RUSC1: variants seen among roughly 807,000 people sequenced by gnomAD.
RUSC1 encodes the protein AP-4 complex accessory subunit RUSC1.
In RUSC1, 40 loss-of-function variants were observed where a neutral mutation model predicts 72.1. The observed-to-expected ratio is 0.55, with a 90% confidence interval of 0.43 to 0.72. The LOEUF (loss-of-function observed/expected upper bound fraction) is 0.72, where lower values mean the gene tolerates loss of function less well. Among genes scored for constraint, RUSC1 ranks in the 30% least tolerant of loss-of-function variants. The pLI is 0.00. For synonymous variants in RUSC1, 512 were observed against 494.2 expected (o/e 1.04, Z -0.48); for missense variants, 1,092 against 1,172.3 (o/e 0.93, Z 1.00).
chr1:155,326,962 T>A lies in RUSC1; in HGVS notation c.2244T>A (p.Phe748Leu). The A allele has an allele frequency of 6.2e-7, 1 of 1,613,808 alleles. No individual in the cohort carries two copies. Among genetic ancestry groups the A allele is most frequent in the Middle Eastern group, 1.6e-4 (1 of 6,062 alleles). The change falls in exon 8 of 10, where the codon TTT becomes TTA. Residue 748 changes from phenylalanine to leucine, a missense_variant. Coordinates refer to ENST00000368352, the MANE Select transcript of RUSC1 (RefSeq NM_001105203.2). The surrounding 1 kb of genome is among the most constrained non-coding windows in gnomAD (Gnocchi z 4.7). ...RVYASGGTEG[F>L]PLSRWAPGRH... ...ATGCCTCTGGGGGCACTGAGGGCTT[T>A]CCTCTTTCCCGATGGGCACCGGGGC...
In RUSC1 at chr1:155,325,920, T is replaced by G; in HGVS notation, c.1861+10T>G. The stretch of plus-strand genomic sequence containing the variant: ...CTCCAGGAAGATGCAGGTCAGAGGT[T>G]CAGATGGTAGAGGATGGGGCTGATG... On this transcript the variant is annotated intron_variant, in intron 7 of 9. Transcript: ENST00000368352. The surrounding 1 kb of genome is among the most constrained non-coding windows in gnomAD (Gnocchi z 6.5). 1 of 1,614,008 alleles carries G rather than the reference T, an allele frequency of 6.2e-7. No homozygotes were observed. Among genetic ancestry groups the G allele is most frequent in the Non-Finnish European group, 8.5e-7 (1 of 1,179,910 alleles).
chr1:155,330,836 C>T lies in RUSC1; in HGVS notation c.*265C>T. 1 of 332,314 alleles carries T rather than the reference C, an allele frequency of 3.0e-6. No homozygotes were observed. Among genetic ancestry groups the T allele is most frequent in the South Asian group, 4.6e-5 (1 of 21,628 alleles). The allele number at this position is 332,314 out of a possible 1,614,324, so 20.6% of individuals were successfully genotyped here. A position where few individuals can be genotyped will look rare whatever the true frequency, so the allele number is the denominator to read the frequency against. On this transcript the variant is annotated 3_prime_UTR_variant, in exon 10 of 10. Coordinates refer to ENST00000368352, the MANE Select transcript of RUSC1 (RefSeq NM_001105203.2). ...TCCCGTCTATATAAGGGAATGTCTT[C>T]CTTCCTATCTATCTGCAAAATGGAA... is the stretch of plus-strand genomic sequence containing the variant.
rs1651626999 is a variant in RUSC1 at position 155,328,221 on chromosome 1, T to C, written c.2486T>C (p.Met829Thr). The change falls in exon 9 of 10, where the codon ATG becomes ACG. Residue 829 changes from methionine (M) to threonine (T), a missense_variant. Transcript: ENST00000368352. ...GTGAAGCGGGGGGCACCTCCCGAGATGCCTTCTCCTCAGGAGCTTGAGGCC... is the reference window on the plus strand; with the variant it reads ...GTGAAGCGGGGGGCACCTCCCGAGACGCCTTCTCCTCAGGAGCTTGAGGCC... The part of the protein sequence containing the change: ...ALVKRGAPPE[M>T]PSPQELEASA... The C allele has an allele frequency of 1.2e-6, 2 of 1,613,376 alleles. No individual in the cohort carries two copies. The highest frequency in any genetic ancestry group is 1.7e-6 in the Non-Finnish European group (2 of 1,179,736).
intron 2 of RUSC1, chr1:155,324,388 C>T: frequency 1.2e-6 from 2 of 1,612,848 alleles, no homozygotes; most frequent in South Asian, 1.1e-5. Flanking sequence ...CCGTCTCCTC[C>T]CTTTCCCCTG....
At position 155,325,292 on chromosome 1, in the gene RUSC1, C is replaced by T; in HGVS notation, c.1534-24C>T. On this transcript the variant is annotated intron_variant, in intron 4 of 9. Transcript: ENST00000368352. The surrounding 1 kb of genome is among the most constrained non-coding windows in gnomAD (Gnocchi z 6.5). ...GAGGTGTCTGGAGGGATCTCTGGAG[C>T]CATCGGCATCGCGCCACCTCCAGGC... The T allele has an allele frequency of 6.2e-7, 1 of 1,604,814 alleles. No homozygotes were observed. Among genetic ancestry groups the T allele is most frequent in the East Asian group, 2.2e-5 (1 of 44,844 alleles).
Position 155,325,262 on chromosome 1 carries a change from G to T in RUSC1, c.1534-54G>T, listed in dbSNP as rs771106945. On this transcript the variant is annotated intron_variant, in intron 4 of 9. Coordinates refer to ENST00000368352, the MANE Select transcript of RUSC1 (RefSeq NM_001105203.2). This position sits in a 1 kb window ranked among gnomAD's most constrained non-coding sequence, Gnocchi z 6.5. ...GTGCGGGAATGGTTGGCGGGAGGTG[G>T]CTGGGAGGTGTCTGGAGGGATCTCT... 1.2e-6 allele frequency: 2 copies of T among 1,608,842 alleles called. No individual in the cohort carries two copies. Among genetic ancestry groups the T allele is most frequent in the African/African-American group, 2.7e-5 (2 of 74,944 alleles).
Position 155,320,907 on chromosome 1 carries a change from T to A in RUSC1, c.-171T>A. ...GCAGGGTAGGTTGTGCTAGTGCCCC[T>A]CCCCTCCCGCTCTGTGCCCCGCCGG... On this transcript the variant is annotated 5_prime_UTR_variant, in exon 1 of 10. Transcript: ENST00000368352. The A allele has an allele frequency of 6.3e-7, 1 of 1,589,214 alleles. No individual in the cohort carries two copies. Among genetic ancestry groups the A allele is most frequent in the Non-Finnish European group, 8.6e-7 (1 of 1,167,772 alleles).
In RUSC1 at chr1:155,324,917, C is replaced by T. The variant is rs1651137920; in HGVS notation, c.1430C>T (p.Thr477Ile). 6.2e-7 allele frequency: 1 copy of T among 1,614,212 alleles called. No homozygotes were observed. ...TGGATGGCAGAAGCCCAGAGTGGGA[C>T]TGGTCAGCTGCAGGAGCAGAAGAAA... ...RLWMAEAQSGTGQLQEQKKGL... is the reference protein window; with the variant it reads ...RLWMAEAQSGIGQLQEQKKGL... Residue 477 changes from threonine (T) to isoleucine (I), a missense_variant, in exon 3 of 10, where the codon ACT becomes ATT. Coordinates refer to ENST00000368352, the MANE Select transcript of RUSC1 (RefSeq NM_001105203.2).
intron 2 of RUSC1, chr1:155,324,136 C>T (rs539098944): frequency 1.5e-6 from 2 of 1,296,710 alleles, no homozygotes; most frequent in African/African-American, 1.5e-5. Flanking sequence ...GGCTTTGGGT[C>T]ACACCCTCTG....
Position 155,325,724 on chromosome 1 carries a change from G to A in RUSC1, c.1814+52G>A, listed in dbSNP as rs775075433. On this transcript the variant is annotated intron_variant, in intron 6 of 9. Transcript: ENST00000368352. This position sits in a 1 kb window ranked among gnomAD's most constrained non-coding sequence, Gnocchi z 6.5. ...TCCCACGACCTGGGACTGCAGGAGCGTCATGGGTGGGACACAGTAGTAGTG... is the reference window on the plus strand; with the variant it reads ...TCCCACGACCTGGGACTGCAGGAGCATCATGGGTGGGACACAGTAGTAGTG... The A allele has an allele frequency of 8.7e-6, 14 of 1,600,478 alleles. No individual in the cohort carries two copies. Among genetic ancestry groups the A allele is most frequent in the East Asian group, 2.2e-5 (1 of 44,752 alleles).
chr1:155,325,278 A>G lies in RUSC1; in HGVS notation c.1534-38A>G. ...CGGGAGGTGGCTGGGAGGTGTCTGG[A>G]GGGATCTCTGGAGCCATCGGCATCG... On this transcript the variant is annotated intron_variant, in intron 4 of 9. Transcript: ENST00000368352. The surrounding 1 kb of genome is among the most constrained non-coding windows in gnomAD (Gnocchi z 6.5). The G allele has an allele frequency of 1.2e-6, 2 of 1,606,810 alleles. No homozygotes were observed. The highest frequency in any genetic ancestry group is 1.7e-6 in the Non-Finnish European group (2 of 1,179,692).
intron 8 of RUSC1, among the ~76,000 whole-genome samples, chr1:155,327,581 T>C (rs1651555030): frequency 1.3e-5 from 2 of 152,186 alleles, no homozygotes; most frequent in Admixed American, 6.5e-5. Context: ...TCTGGTCGTT[T>C]AGAAAAATGA....
At chr1:155,324,619 G>A (rs1168203919) in intron 2 of RUSC1, 6 of 1,524,932 alleles carry the variant, frequency 3.9e-6, no homozygotes, top group Non-Finnish European at 5.2e-6. Flanking sequence ...AGGGCACAGG[G>A]AACCGGGATG....
At position 155,325,216 on chromosome 1, in the gene RUSC1, A is replaced by G; in HGVS notation, c.1533+38A>G. ...GGGGGGAGGCTGTTGGGATGAGGAG[A>G]GTAATGGAGCTCCGCGGGGGGTGCG... On this transcript the variant is annotated intron_variant, in intron 4 of 9. Coordinates refer to ENST00000368352, the MANE Select transcript of RUSC1 (RefSeq NM_001105203.2). The surrounding 1 kb of genome is among the most constrained non-coding windows in gnomAD (Gnocchi z 6.5). 6.2e-7 allele frequency: 1 copy of G among 1,613,740 alleles called. No homozygotes were observed. Among genetic ancestry groups the G allele is most frequent in the South Asian group, 1.1e-5 (1 of 91,072 alleles).
At chr1:155,324,348 A>T in intron 2 of RUSC1, 1 of 1,601,414 alleles carries the variant, frequency 6.2e-7, no homozygotes, top group Non-Finnish European at 8.5e-7. Context: ...GGCGCCTTCC[A>T]GCCTCCCAAT....
rs769670370 is a variant in RUSC1 at position 155,324,589 on chromosome 1, T to TG, written c.1358-251dup. The TG allele has an allele frequency of 5.8e-6, 9 of 1,560,524 alleles. No individual in the cohort carries two copies. The South Asian group carries it at 9.3e-5, about 16-fold the overall frequency. On this transcript the variant is annotated intron_variant, in intron 2 of 9. Transcript: ENST00000368352. ...TCCCGGAGTTCCGGGATCCTGGAGG[T>TG]GGGGGCTGTGCCCTGAGGGAGGGCA...
intron 9 of RUSC1, among the ~76,000 whole-genome samples, chr1:155,328,787 C>A (rs1317372552): frequency 6.6e-6 from 1 of 151,800 alleles, no homozygotes; most frequent in East Asian, 2.0e-4. Flanking sequence ...TTAGTAGAGA[C>A]CGGGGTTTCA....
chr1:155,322,522 A>G lies in RUSC1; in HGVS notation c.749A>G (p.Glu250Gly). Residue 250 changes from glutamate (E) to glycine (G), a missense_variant, in exon 2 of 10, where the codon GAA becomes GGA. Coordinates refer to ENST00000368352, the MANE Select transcript of RUSC1 (RefSeq NM_001105203.2). ...EKTKAEWKTT[E>G]NNNTGWKNNG... ...ACTAAAGCTGAATGGAAAACCACTG[A>G]AAACAATAACACTGGTTGGAAAAAC... is the stretch of plus-strand genomic sequence containing the variant. 1 of 1,613,684 alleles carries G rather than the reference A, an allele frequency of 6.2e-7. No homozygotes were observed.
intron 9 of RUSC1, among the ~76,000 whole-genome samples, chr1:155,329,343 C>T (rs754221560): frequency 6.6e-6 from 1 of 151,032 alleles, no homozygotes; most frequent in Admixed American, 6.6e-5. Flanking sequence ...ACCTTGGCCT[C>T]CCAAAGTGCT....
Sources: gnomAD v4.1 joint callset for allele counts (sites outside exome capture counted in the v4.1 genomes callset) on GRCh38, gnomAD v4.1.1 for gene constraint, Gnocchi (gnomAD v3.1) non-coding constraint, MANE v1.5 for transcripts, NCBI Gene and HGNC (gene_info 2026-07-23, HGNC 2026-07-21) for gene names.